Variants in RC3H1 observed in about 807,000 individuals in gnomAD.
RC3H1 encodes roquin-1.
In RC3H1, 50 loss-of-function variants were observed where a neutral mutation model predicts 138.2. The ratio of observed to expected loss-of-function variants is 0.36; its 90% CI spans 0.29 to 0.46. RC3H1 has a LOEUF of 0.46. Among genes scored for constraint, RC3H1 ranks in the 20% least tolerant of loss-of-function variants. The probability of loss-of-function intolerance (pLI) is 1.00; values close to 1 mark genes in which losing one functional copy is unlikely to be tolerated. For synonymous variants in RC3H1, 462 were observed against 489.1 expected (o/e 0.94, Z 0.73); for missense variants, 1,031 against 1,388.1 (o/e 0.74, Z 4.09).
intron 13 of RC3H1, among the ~76,000 whole-genome samples, chr1:173,955,909 T>A (rs958888069): frequency 2.0e-5 from 3 of 151,778 alleles, no homozygotes; most frequent in African/African-American, 7.3e-5. Flanking sequence ...GGTGGCTAGA[T>A]CATCTGAGGT....
Position 173,961,850 on chromosome 1 carries a change from G to C in RC3H1, c.2077C>G (p.Pro693Ala). 6.2e-7 allele frequency: 1 copy of C among 1,614,130 alleles called. No individual in the cohort carries two copies. Among genetic ancestry groups the C allele is most frequent in the Non-Finnish European group, 8.5e-7 (1 of 1,180,026 alleles). The stretch of plus-strand genomic sequence containing the variant: ...ACTGCTGCAGGTGGAATCTCAATGG[G>C]TATAGGGCTTTCTCGGAATATCTCT... The part of the protein sequence containing the change: ...REEIFRESPI[P>A]IEIPPAAVPS... The change falls in exon 12 of 20, where the codon CCC becomes GCC. Residue 693 changes from proline (P) to alanine (A), a missense_variant. Physicochemically the swap from Pro to Ala is conservative, Grantham distance 27. Around this residue, in one of 7 missense-constraint regions of RC3H1, gnomAD observed 716 missense variants for 837.9 expected, o/e 0.85. Coordinates refer to ENST00000367696, the MANE Select transcript of RC3H1 (RefSeq NM_172071.4).
At chr1:173,983,744 T>A in intron 3 of RC3H1, 87 bp from the exon 4 acceptor site, 1 of 1,367,250 alleles carries the variant, frequency 7.3e-7, no homozygotes, top group Non-Finnish European at 1.0e-6. Context: ...AACTTGTGGG[T>A]ATGTGACTAG....
chr1:173,989,487 C>G (rs894257871), intron 2 of RC3H1, among the ~76,000 whole-genome samples: 3 of 152,088 alleles, frequency 2.0e-5, no homozygotes, highest in African/African-American at 7.2e-5. Flanking sequence ...CTGTGAACAG[C>G]CAATTGTTCG....
chr1:173,944,734 T>C (rs1659060739), intron 17 of RC3H1, among the ~76,000 whole-genome samples: 1 of 152,196 alleles, frequency 6.6e-6, no homozygotes, highest in East Asian at 1.9e-4. Flanking sequence ...TCTGAATCAA[T>C]GTAAATAAGC....
intron 1 of RC3H1, among the ~76,000 whole-genome samples, chr1:173,995,990 A>C (rs1264639705): frequency 3.3e-5 from 5 of 152,230 alleles, no homozygotes; most frequent in Non-Finnish European, 5.9e-5. Context: ...GTGGCGGCTC[A>C]CGCCTGTAAT....
intron 13 of RC3H1, among the ~76,000 whole-genome samples, chr1:173,954,056 A>G (rs1231962375): frequency 6.6e-6 from 1 of 152,058 alleles, no homozygotes; most frequent in Non-Finnish European, 1.5e-5. Context: ...AATAATAATA[A>G]TAATACAGAG....
rs757710559 is a variant in RC3H1, at chr1:173,964,165, T to C, written c.1639A>G (p.Ile547Val). Residue 547 changes from isoleucine to valine, a missense_variant, in exon 11 of 20, where the codon ATT (isoleucine) becomes GTT (valine). Ile to Val is a conservative substitution (Grantham distance 29, BLOSUM62 3). Coordinates refer to ENST00000367696, the MANE Select transcript of RC3H1 (RefSeq NM_172071.4). ...PDLLESVPKS[I>V]SALPVNPHSI... ...TGTGGATTCACAGGTAAGGCAGAAA[T>C]ACTCTTAGGAACAGATTCTAGCCTA... 1.3e-4 allele frequency: 204 copies of C among 1,613,564 alleles called. No individual in the cohort carries two copies. The highest frequency in any genetic ancestry group is 1.6e-4 in the Non-Finnish European group (192 of 1,179,634).
At chr1:173,961,674 A>T (rs753275469) in intron 12 of RC3H1, 51 bp downstream of exon 12, 1 of 1,525,100 alleles carries the variant, frequency 6.6e-7, no homozygotes, top group Admixed American at 2.0e-5. Flanking sequence ...AAGGAATCAC[A>T]GCAAGCAACA....
intron 1 of RC3H1, among the ~76,000 whole-genome samples, chr1:174,012,550 G>A (rs1436664734): frequency 7.2e-5 from 11 of 151,910 alleles, no homozygotes; most frequent in South Asian, 2.1e-4. Flanking sequence ...TTGGGAGGCC[G>A]GGGCAGGCGG....
At chr1:174,002,829 C>T (rs963912039) in intron 1 of RC3H1, among the ~76,000 whole-genome samples, 2 of 152,174 alleles carry the variant, frequency 1.3e-5, no homozygotes, top group Non-Finnish European at 2.9e-5. Context: ...TCTATTCATC[C>T]TTGGAATAGT....
chr1:173,961,690 A>C, intron 12 of RC3H1, 35 bp downstream of exon 12: 1 of 1,571,016 alleles, frequency 6.4e-7, no homozygotes, highest in Non-Finnish European at 8.6e-7. Flanking sequence ...CAACAGTCAA[A>C]TTAAGTCTAT....
chr1:173,961,049 T>A (rs1348801678), intron 13 of RC3H1, 28 bp downstream of exon 13: 2 of 1,605,984 alleles, frequency 1.2e-6, no homozygotes, highest in South Asian at 1.1e-5. Flanking sequence ...AAAACACGGA[T>A]AAATGAGACT....
chr1:173,941,194 T>C (rs926599147), intron 19 of RC3H1, 71 bp downstream of exon 19: 39 of 857,148 alleles, frequency 4.5e-5, no homozygotes, highest in Non-Finnish European at 7.3e-5. Context: ...ATTTCTGATA[T>C]GACTGGATAA....
chr1:173,952,164 A>G (rs1238974131), intron 13 of RC3H1, 26 bp from the exon 14 acceptor site: 1 of 394,976 alleles, frequency 2.5e-6, no homozygotes, highest in Non-Finnish European at 3.6e-6. Flanking sequence ...GAAAAAAAAC[A>G]AAAAAAAAAA....
Position 173,961,985 on chromosome 1 carries a change from C to T in RC3H1, c.1942G>A (p.Glu648Lys), listed in dbSNP as rs1324270018. The change falls in exon 12 of 20, where the codon GAA becomes AAA. Residue 648 changes from glutamate to lysine, a missense_variant. Coordinates refer to ENST00000367696, the MANE Select transcript of RC3H1 (RefSeq NM_172071.4). Reference sequence around the variant, plus strand: ...CCATACTGAGAGTTTACAACACGTTCTTGGAGGTAGGGTGGATAATGATCC... The same window carrying T: ...CCATACTGAGAGTTTACAACACGTTTTTGGAGGTAGGGTGGATAATGATCC... ...YLDHYPPYLQ[E>K]RVVNSQYGTQ... 1 of 1,614,028 alleles carries T rather than the reference C, an allele frequency of 6.2e-7. No individual in the cohort carries two copies. Among genetic ancestry groups the T allele is most frequent in the Admixed American group, 1.7e-5 (1 of 60,004 alleles).
intron 14 of RC3H1, among the ~76,000 whole-genome samples, chr1:173,950,420 C>CAAAAAAA (rs60259705): frequency 0.034 from 2,137 of 63,534 alleles, 207 homozygotes; most frequent in African/African-American, 0.14. Context: ...TCATCTCTAC[C>CAAAAAAA]AAAAAAAAAA....
At chr1:173,987,816 A>C (rs1266419803) in intron 2 of RC3H1, among the ~76,000 whole-genome samples, 2 of 152,186 alleles carry the variant, frequency 1.3e-5, no homozygotes, top group Non-Finnish European at 2.9e-5. Context: ...ATATCAAGCT[A>C]AAAATGAGTT....
chr1:174,002,066 C>T (rs557228673), intron 1 of RC3H1, among the ~76,000 whole-genome samples: 2 of 151,524 alleles, frequency 1.3e-5, no homozygotes, highest in African/African-American at 2.4e-5. Context: ...TTGTTGGGGG[C>T]GGGGGAGGTA....
At chr1:173,957,608 A>G (rs1010822945) in intron 13 of RC3H1, among the ~76,000 whole-genome samples, 2 of 152,134 alleles carry the variant, frequency 1.3e-5, no homozygotes, top group African/African-American at 4.8e-5. Flanking sequence ...GGAGTGCAGT[A>G]GCACAATCAT....
Sources: gnomAD v4.1 joint callset for allele counts (sites outside exome capture counted in the v4.1 genomes callset) on GRCh38, gnomAD v4.1.1 for gene constraint, gnomAD v4.1.1 regional missense constraint, MANE v1.5 for transcripts, NCBI Gene and HGNC (gene_info 2026-07-23, HGNC 2026-07-21) for gene names.